PAPPA: variants seen among roughly 807,000 people sequenced by gnomAD.
The protein encoded by PAPPA is pappalysin 1, also known as pappalysin-1.
A neutral mutation model predicts 164.0 loss-of-function variants in PAPPA; 60 were observed. The ratio of observed to expected loss-of-function variants is 0.37; its 90% CI spans 0.30 to 0.45. The LOEUF (loss-of-function observed/expected upper bound fraction) is 0.45. PAPPA is among the 20% of genes least tolerant of loss of function. The pLI, the probability that PAPPA is intolerant of heterozygous loss-of-function variation, is 1.00. For synonymous variants in PAPPA, 875 were observed against 814.1 expected (o/e 1.07, Z -1.27); for missense variants, 1,782 against 2,087.3 (o/e 0.85, Z 2.85).
At chr9:116,210,163 C>T (rs1219216042) in intron 3 of PAPPA, among the ~76,000 whole-genome samples, 1 of 152,140 alleles carries the variant, frequency 6.6e-6, no homozygotes, top group Non-Finnish European at 1.5e-5. Context: ...CTGCCTGCCC[C>T]CTTCTCATAC....
intron 3 of PAPPA, among the ~76,000 whole-genome samples, chr9:116,208,547 C>T (rs1844266285): frequency 6.6e-6 from 1 of 152,058 alleles, no homozygotes; most frequent in African/African-American, 2.4e-5. Context: ...AATCATTTTC[C>T]GTTTGGTAGA....
intron 1 of PAPPA, among the ~76,000 whole-genome samples, chr9:116,184,826 C>T (rs943037326): frequency 3.3e-5 from 5 of 152,140 alleles, no homozygotes; most frequent in Admixed American, 6.5e-5. Context: ...CTTAAAATCC[C>T]TACCCTTTCT....
chr9:116,243,084 ATTAATG>A (rs1844754998), intron 7 of PAPPA, among the ~76,000 whole-genome samples: 1 of 152,202 alleles, frequency 6.6e-6, no homozygotes, highest in African/African-American at 2.4e-5. Context: ...TTGCATGTCC[ATTAATG>A]TTATCAGAAT....
intron 19 of PAPPA, among the ~76,000 whole-genome samples, chr9:116,372,131 C>A (rs1283739194): frequency 9.2e-5 from 14 of 152,136 alleles, no homozygotes. Context: ...AGAACTCTTC[C>A]TCTAATCTAA....
At chr9:116,188,238 G>A (rs1345248997) in intron 2 of PAPPA, 22 bp downstream of exon 2, 1 of 1,553,278 alleles carries the variant, frequency 6.4e-7, no homozygotes, top group Admixed American at 1.7e-5. Flanking sequence ...CTGGGCTAAA[G>A]ATGCCCAGTT....
chr9:116,330,610 T>C (rs1845978340), intron 10 of PAPPA, among the ~76,000 whole-genome samples: 1 of 151,158 alleles, frequency 6.6e-6, no homozygotes, highest in South Asian at 2.1e-4. Context: ...TGTGTGTGTG[T>C]GCGTGTGTGT....
Position 116,352,795 on chromosome 9 carries a change from G to T in PAPPA, c.4054G>T (p.Val1352Leu). ...CELMCLAPPP[V>L]PNADLQTARC... ...GCTCATGTGCCTCGCTCCACCCCCT[G>T]TGCCCAATGCAGACCTCCAGACCGC... is the stretch of plus-strand genomic sequence containing the variant. The change falls in exon 16 of 22, where the codon GTG (valine) becomes TTG (leucine). Residue 1352 changes from valine (V) to leucine (L), a missense_variant. Transcript: ENST00000328252. 6.2e-7 allele frequency: 1 copy of T among 1,613,994 alleles called. No homozygotes were observed. The highest frequency in any genetic ancestry group is 1.3e-5 in the African/African-American group (1 of 75,034).
chr9:116,374,553 A>G (rs544716436), intron 19 of PAPPA, among the ~76,000 whole-genome samples: 1 of 152,354 alleles, frequency 6.6e-6, no homozygotes, highest in African/African-American at 2.4e-5. Flanking sequence ...AGCCTTGGAA[A>G]GATAAATAGG....
At chr9:116,378,643 A>T in intron 20 of PAPPA, among the ~76,000 whole-genome samples, 1 of 152,182 alleles carries the variant, frequency 6.6e-6, no homozygotes, top group East Asian at 1.9e-4. Flanking sequence ...AATTTGATGG[A>T]ATGCCAAAAC....
intron 1 of PAPPA, among the ~76,000 whole-genome samples, chr9:116,177,061 C>G (rs565575798): frequency 1.3e-5 from 2 of 151,006 alleles, no homozygotes; most frequent in African/African-American, 2.4e-5. Context: ...TTATTAGAAA[C>G]AGTTCTCTCC....
intron 2 of PAPPA, among the ~76,000 whole-genome samples, chr9:116,205,676 C>T (rs548735239): frequency 1.6e-4 from 25 of 152,180 alleles, no homozygotes; most frequent in East Asian, 7.7e-4. Context: ...TGTATGATGG[C>T]GATAAGTGAT....
chr9:116,250,891 T>C (rs963632676), intron 7 of PAPPA, among the ~76,000 whole-genome samples: 1 of 152,184 alleles, frequency 6.6e-6, no homozygotes, highest in African/African-American at 2.4e-5. Flanking sequence ...GGACTCACAT[T>C]TGAACTCAGC....
Position 116,154,191 on chromosome 9 carries a change from G to T in PAPPA, c.19G>T (p.Val7Leu). 2 of 1,485,552 alleles carry T rather than the reference G, an allele frequency of 1.3e-6. No homozygotes were observed. The highest frequency in any genetic ancestry group is 2.8e-5 in the East Asian group (1 of 35,732). 92.0% of individuals were successfully genotyped at this position (1,485,552 alleles called of 1,614,324 possible). Residue 7 changes from valine to leucine, a missense_variant, in exon 1 of 22, where the codon GTG (valine) becomes TTG (leucine). By Grantham distance (32) the Val-to-Leu change is conservative. This residue lies in a region of PAPPA where 458 missense variants were observed against 430.3 expected (regional missense o/e 1.06). Transcript: ENST00000328252. This position sits in a 1 kb window ranked among gnomAD's most constrained non-coding sequence, Gnocchi z 5.2. The part of the protein sequence containing the change: MRLWSW[V>L]LHLGLLSAAL... ...GTCGGACATGCGGCTCTGGAGTTGG[G>T]TGCTGCACCTGGGGCTGCTGAGCGC...
Position 116,334,904 on chromosome 9 carries a change from T to C in PAPPA, c.3441T>C (p.Pro1147=), listed in dbSNP as rs144004756. ...LSCRNNPLII[P]VVHDLSQPFY... is the part of the protein sequence containing the mutation. ...GCAGGAACAATCCCCTGATTATCCC[T>C]GTGGTCCATGACCTCAGCCAGCCCT... Residue 1147 remains proline, a synonymous_variant, in exon 13 of 22, where the codon CCT becomes CCC. Transcript: ENST00000328252. The C allele has an allele frequency of 6.2e-7, 1 of 1,613,964 alleles. No homozygotes were observed. The highest frequency in any genetic ancestry group is 8.5e-7 in the Non-Finnish European group (1 of 1,179,982).
Position 116,154,302 on chromosome 9 carries a change from C to A in PAPPA, c.130C>A (p.Pro44Thr), listed in dbSNP as rs1843571753. The change falls in exon 1 of 22, where the codon CCG (proline) becomes ACG (threonine). Residue 44 changes from proline (P) to threonine (T), a missense_variant. Physicochemically the swap from Pro to Thr is conservative, Grantham distance 38 (BLOSUM62 -1). Around this residue, in one of 2 missense-constraint regions of PAPPA, gnomAD observed 458 missense variants for 430.3 expected, o/e 1.06. Transcript: ENST00000328252. This position sits in a 1 kb window ranked among gnomAD's most constrained non-coding sequence, Gnocchi z 5.2. ...AGRPPRPAAG[P>T]ATCATRAARG... Reference sequence around the variant, plus strand: ...CCGACCCCCGCGCCCCGCCGCCGGCCCGGCCACCTGCGCCACCCGGGCGGC... The same window carrying A: ...CCGACCCCCGCGCCCCGCCGCCGGCACGGCCACCTGCGCCACCCGGGCGGC... 48 of 935,388 alleles carry A rather than the reference C, an allele frequency of 5.1e-5. No individual in the cohort carries two copies. The highest frequency in any genetic ancestry group is 6.1e-5 in the Non-Finnish European group (48 of 787,006). 57.9% of individuals were successfully genotyped at this position (935,388 alleles called of 1,614,324 possible). A position where few individuals can be genotyped will look rare whatever the true frequency, so the allele number is the denominator to read the frequency against.
intron 1 of PAPPA, among the ~76,000 whole-genome samples, chr9:116,186,076 T>C (rs998741444): frequency 6.6e-6 from 1 of 152,094 alleles, no homozygotes; most frequent in Non-Finnish European, 1.5e-5. Flanking sequence ...GGATATTACA[T>C]GGATTAAGTT....
At chr9:116,354,574 C>T (rs1226449913) in intron 17 of PAPPA, among the ~76,000 whole-genome samples, 4 of 152,102 alleles carry the variant, frequency 2.6e-5, no homozygotes, top group Non-Finnish European at 4.4e-5. Context: ...AGATACCAGG[C>T]ACTGCCAAAT....
At chr9:116,247,570 G>A (rs974492623) in intron 7 of PAPPA, among the ~76,000 whole-genome samples, 1 of 152,178 alleles carries the variant, frequency 6.6e-6, no homozygotes, top group African/African-American at 2.4e-5. Context: ...ACTTGGTTGT[G>A]CTGCTCCAAT....
rs1843574626 is a variant in PAPPA, at chr9:116,154,401, C to G, written c.229C>G (p.Arg77Gly). The change falls in exon 1 of 22, where the codon CGG becomes GGG. Residue 77 changes from arginine (R) to glycine (G), a missense_variant. Arg to Gly is a moderately radical substitution (Grantham distance 125). Around this residue, in one of 2 missense-constraint regions of PAPPA, gnomAD observed 458 missense variants for 430.3 expected, o/e 1.06. Transcript: ENST00000328252. This position sits in a 1 kb window ranked among gnomAD's most constrained non-coding sequence, Gnocchi z 5.2. The stretch of plus-strand genomic sequence containing the variant: ...CTGGGAAGCCGTGCGCGTCCCCCGG[C>G]GGCGGCAGCAGCGGGAGGCGAGGGG... ...GAWEAVRVPR[R>G]RQQREARGAT... 8.6e-7 allele frequency: 1 copy of G among 1,159,850 alleles called. No individual in the cohort carries two copies. Among genetic ancestry groups the G allele is most frequent in the Non-Finnish European group, 1.1e-6 (1 of 916,680 alleles). 71.8% of individuals were successfully genotyped at this position (1,159,850 alleles called of 1,614,324 possible).
Sources: allele counts gnomAD v4.1 joint callset (sites outside exome capture counted in the v4.1 genomes callset), GRCh38; gene constraint gnomAD v4.1.1; regional missense constraint gnomAD v4.1.1; non-coding constraint Gnocchi (gnomAD v3.1); transcripts MANE v1.5; gene names NCBI Gene and HGNC (gene_info 2026-07-23, HGNC 2026-07-21).